Variants in GLB1L3 observed in about 807,000 individuals in gnomAD.
GLB1L3 encodes galactosidase beta 1 like 3, also known as beta-galactosidase-1-like protein 3.
A neutral mutation model predicts 89.5 loss-of-function variants in GLB1L3; 89 were observed. The ratio of observed to expected loss-of-function variants is 0.99; its 90% CI spans 0.84 to 1.19. The LOEUF (loss-of-function observed/expected upper bound fraction) is 1.19. GLB1L3 is among the 50% of genes most tolerant of loss of function. The probability of loss-of-function intolerance (pLI) is 0.00; values close to 1 mark genes in which losing one functional copy is unlikely to be tolerated. For missense variants in GLB1L3, 812 were observed against 813.3 expected (o/e 1.00, Z 0.02); for synonymous variants, 314 against 312.3 (o/e 1.01, Z -0.06).
chr11:134,299,957 C>G (rs1423793559), intron 9 of GLB1L3, among the ~76,000 whole-genome samples: 1 of 152,152 alleles, frequency 6.6e-6, no homozygotes, highest in Non-Finnish European at 1.5e-5. Flanking sequence ...TGCTGTTTCT[C>G]AGCTGATTGG....
intron 3 of GLB1L3, 104 bp from the exon 4 acceptor site, chr11:134,281,273 A>G: frequency 2.3e-6 from 3 of 1,312,314 alleles, no homozygotes; most frequent in Non-Finnish European, 3.3e-6. Context: ...AACTTATTTC[A>G]AAATAGAGCT....
intron 18 of GLB1L3, among the ~76,000 whole-genome samples, chr11:134,315,394 G>A (rs2136232141): frequency 6.6e-6 from 1 of 152,276 alleles, no homozygotes; most frequent in Non-Finnish European, 1.5e-5. Context: ...TGTAAGACAA[G>A]TATCACTTCT....
At chr11:134,297,599 G>A (rs1256139145) in intron 9 of GLB1L3, among the ~76,000 whole-genome samples, 3 of 152,016 alleles carry the variant, frequency 2.0e-5, no homozygotes, top group Non-Finnish European at 4.4e-5. Context: ...GGTGGCTCAC[G>A]CCTGTAATCC....
intron 18 of GLB1L3, among the ~76,000 whole-genome samples, chr11:134,318,054 C>G (rs762235216): frequency 6.6e-6 from 1 of 152,082 alleles, no homozygotes; most frequent in Non-Finnish European, 1.5e-5. Flanking sequence ...TTTGATGCTT[C>G]TCTTATATGT....
At chr11:134,283,505 G>A (rs1940813172) in intron 5 of GLB1L3, among the ~76,000 whole-genome samples, 1 of 152,222 alleles carries the variant, frequency 6.6e-6, no homozygotes, top group East Asian at 1.9e-4. Context: ...CCTTTCCGAA[G>A]TTGTGAAGTG....
chr11:134,296,235 CTG>C (rs1463522286), intron 9 of GLB1L3, among the ~76,000 whole-genome samples: 57 of 144,606 alleles, frequency 3.9e-4, no homozygotes, highest in African/African-American at 1.3e-3. Context: ...CACTTTTACA[CTG>C]TTGGTGGGAC....
chr11:134,295,469 T>C (rs986600964), intron 9 of GLB1L3, among the ~76,000 whole-genome samples: 1 of 152,218 alleles, frequency 6.6e-6, no homozygotes, highest in African/African-American at 2.4e-5. Flanking sequence ...CGATGGCTCC[T>C]CTTTCAGTCC....
intron 9 of GLB1L3, among the ~76,000 whole-genome samples, chr11:134,294,015 C>T (rs1941500068): frequency 6.6e-6 from 1 of 152,136 alleles, no homozygotes; most frequent in African/African-American, 2.4e-5. Flanking sequence ...CTGCCCCTAC[C>T]CTCCACCCAC....
intron 1 of GLB1L3, 109 bp from the exon 2 acceptor site, chr11:134,277,217 C>T: frequency 7.1e-7 from 1 of 1,418,386 alleles, no homozygotes; most frequent in South Asian, 1.2e-5. Context: ...TGTCGCGGGC[C>T]CCCTCCCTGG....
Position 134,314,446 on chromosome 11 carries a change from G to C in GLB1L3, c.1779+5G>C, listed in dbSNP as rs1192037531. On this transcript the variant is annotated splice_donor_5th_base_variant and intron_variant, in intron 18 of 19. Coordinates refer to ENST00000431683, the MANE Select transcript of GLB1L3 (RefSeq NM_001080407.3). ...GACACCTTCCTGAGCCTGCTGGTAGGTGATGCCCTCTGCTGCCCTGGTGTT... is the reference window on the plus strand; with the variant it reads ...GACACCTTCCTGAGCCTGCTGGTAGCTGATGCCCTCTGCTGCCCTGGTGTT... 2.6e-6 allele frequency: 4 copies of C among 1,526,844 alleles called. No homozygotes were observed. Among genetic ancestry groups the C allele is most frequent in the Non-Finnish European group, 3.6e-6 (4 of 1,124,392 alleles). 94.6% of individuals were successfully genotyped at this position (1,526,844 alleles called of 1,614,324 possible). A position where few individuals can be genotyped will look rare whatever the true frequency, so the allele number is the denominator to read the frequency against.
At chr11:134,283,930 T>G in intron 6 of GLB1L3, 85 bp downstream of exon 6, 1 of 766,924 alleles carries the variant, frequency 1.3e-6, no homozygotes, top group South Asian at 1.6e-5. Flanking sequence ...AGAGGCCACA[T>G]GCAGTCTCCA....
intron 7 of GLB1L3, among the ~76,000 whole-genome samples, chr11:134,290,559 T>A (rs1591547614): frequency 7.9e-6 from 1 of 127,276 alleles, no homozygotes; most frequent in South Asian, 2.4e-4. Context: ...GGTGACAGAG[T>A]GAGACTCGTC....
At chr11:134,276,257 C>G (rs1565383673), upstream of GLB1L3, 2 of 153,818 alleles carry the variant, frequency 1.3e-5, no homozygotes. Flanking sequence ...TCTCCTGCCC[C>G]TCGTGGCCCT....
At chr11:134,312,935 C>T (rs745809410) in intron 15 of GLB1L3, 48 bp downstream of exon 15, 3 of 1,249,264 alleles carry the variant, frequency 2.4e-6, no homozygotes, top group South Asian at 2.5e-5. Flanking sequence ...CCCTCAAATG[C>T]AGACGGAGCC....
At chr11:134,308,637 A>G in intron 10 of GLB1L3, among the ~76,000 whole-genome samples, 1 of 76,374 alleles carries the variant, frequency 1.3e-5, no homozygotes, top group Non-Finnish European at 2.8e-5. Flanking sequence ...ATCACCATCA[A>G]CACCATCACC....
Position 134,288,783 on chromosome 11 carries a change from A to G in GLB1L3, c.637-15A>G, listed in dbSNP as rs760648346. The G allele has an allele frequency of 2.5e-6, 4 of 1,604,064 alleles. No homozygotes were observed. The highest frequency in any genetic ancestry group is 1.1e-5 in the South Asian group (1 of 90,112). On this transcript the variant is annotated splice_polypyrimidine_tract_variant and intron_variant, in intron 6 of 19. Transcript: ENST00000431683. ...AATAGCCTCACTCTTTAACCCTCCT[A>G]TGCTTGTTTCTCAGTACCGCCAGGC...
chr11:134,293,972 C>G (rs1285902135), intron 9 of GLB1L3, among the ~76,000 whole-genome samples: 1 of 152,136 alleles, frequency 6.6e-6, no homozygotes, highest in Admixed American at 6.5e-5. Context: ...ACTGCAGCCC[C>G]GAAGGCTAGC....
chr11:134,313,508 C>G, intron 16 of GLB1L3, 34 bp downstream of exon 16: 1 of 1,484,150 alleles, frequency 6.7e-7, no homozygotes, highest in Non-Finnish European at 9.2e-7. Flanking sequence ...CTCAGTTGCT[C>G]AGAACCGAAG....
intron 18 of GLB1L3, among the ~76,000 whole-genome samples, chr11:134,317,404 TC>T (rs1182177423): frequency 6.6e-6 from 1 of 152,232 alleles, no homozygotes; most frequent in Non-Finnish European, 1.5e-5. Context: ...TTTATCATCA[TC>T]ATCAAAGAAT....
Sources: gnomAD v4.1 joint callset for allele counts (sites outside exome capture counted in the v4.1 genomes callset) on GRCh38, gnomAD v4.1.1 for gene constraint, MANE v1.5 for transcripts, NCBI Gene and HGNC (gene_info 2026-07-23, HGNC 2026-07-21) for gene names.